Variants in ADCYAP1 observed in about 807,000 individuals in gnomAD.
ADCYAP1 encodes the protein adenylate cyclase activating polypeptide 1.
In ADCYAP1, 6 loss-of-function variants were observed where a neutral mutation model predicts 18.5. The observed-to-expected ratio is 0.32, with a 90% CI of 0.18 to 0.64. The LOEUF is 0.64. Ranked by LOEUF, ADCYAP1 falls within the 30% of genes least tolerant of loss-of-function variation. ADCYAP1 has a pLI of 0.77. For synonymous variants in ADCYAP1, 136 were observed against 113.9 expected, an observed-to-expected ratio of 1.19 and a Z score of -1.24; for missense variants, 314 against 253.6, an observed-to-expected ratio of 1.24 and a Z score of -1.62.
intron 2 of ADCYAP1, chr18:905,769 C>T (rs1337615607): frequency 2.0e-5 from 10 of 494,680 alleles, no homozygotes; most frequent in South Asian, 1.5e-4. Context: ...AGAACCCCCC[C>T]TCCCCCAACC....
At chr18:909,410 G>A (rs1393399728) in intron 4 of ADCYAP1, 36 bp from the exon 5 acceptor site, 10 of 1,586,552 alleles carry the variant, frequency 6.3e-6, no homozygotes, top group Non-Finnish European at 8.6e-6. Context: ...TGTGTCTCCC[G>A]CCCCGCCACC....
At chr18:908,744 C>A (rs138001675) in intron 4 of ADCYAP1, among the ~76,000 whole-genome samples, 11 of 152,162 alleles carry the variant, frequency 7.2e-5, no homozygotes, top group African/African-American at 2.7e-4. Context: ...AAATTCAAAT[C>A]GAAATAATAA....
rs377558347 is a variant in ADCYAP1 at position 905,427 on chromosome 18, A to G, written c.41A>G (p.Tyr14Cys). 6.2e-7 allele frequency: 1 copy of G among 1,612,722 alleles called. No individual in the cohort carries two copies. The highest frequency in any genetic ancestry group is 8.5e-7 in the Non-Finnish European group (1 of 1,180,004). Residue 14 changes from tyrosine (Y) to cysteine (C), a missense_variant, in exon 2 of 5, where the codon TAT becomes TGT. By Grantham distance (194) the Tyr-to-Cys change is radical. Transcript: ENST00000450565. ...CSGARLALLV[Y>C]GIIMHSSVYS... ...GGAGCGAGGCTGGCCCTGCTGGTCT[A>G]TGGGATAATCATGCACAGCAGCGTC... is the stretch of plus-strand genomic sequence containing the variant.
rs8192594 is a variant in ADCYAP1 at position 905,468 on chromosome 18, G to A, written c.82G>A (p.Ala28Thr). 6 of 1,609,882 alleles carry A rather than the reference G, an allele frequency of 3.7e-6. No individual in the cohort carries two copies. The highest frequency in any genetic ancestry group is 2.2e-5 in the East Asian group (1 of 44,870). ...CAGCAGCGTCTACAGCTCACCTGCC[G>A]CCGCCGGACTCCGGTTCCCCGGGAT... is the stretch of plus-strand genomic sequence containing the variant. ...MHSSVYSSPAAAGLRFPGIRP... is the reference protein window; with the variant it reads ...MHSSVYSSPATAGLRFPGIRP... Residue 28 changes from alanine (A) to threonine (T), a missense_variant, in exon 2 of 5, where the codon GCC (alanine) becomes ACC (threonine). Coordinates refer to ENST00000450565, the MANE Select transcript of ADCYAP1 (RefSeq NM_001099733.2).
upstream of ADCYAP1, chr18:904,635 G>A: frequency 4.0e-6 from 5 of 1,242,728 alleles, no homozygotes; most frequent in Non-Finnish European, 5.2e-6. Flanking sequence ...CTGGCCCGCG[G>A]CTCCTACAAA....
In ADCYAP1 at chr18:904,911, G is replaced by A; in HGVS notation, c.-151G>A. On this transcript the variant is annotated 5_prime_UTR_variant, in exon 1 of 5. Transcript: ENST00000450565. ...GCAAACGAGTCCCGCAGCTCCTCCT[G>A]CTGCTCCCGCTGGTTCCTGCGGCTT... The A allele has an allele frequency of 1.6e-6, 2 of 1,289,714 alleles. No individual in the cohort carries two copies. The highest frequency in any genetic ancestry group is 2.0e-6 in the Non-Finnish European group (2 of 989,072). 79.9% of individuals were successfully genotyped at this position (1,289,714 alleles called of 1,614,324 possible).
intron 1 of ADCYAP1, 76 bp downstream of exon 1, chr18:905,136 G>T (rs1202679245): frequency 5.1e-6 from 7 of 1,383,066 alleles, no homozygotes; most frequent in Non-Finnish European, 6.6e-6. Context: ...CGCGTCAGGG[G>T]AGTTAGCTTT....
At chr18:909,069 T>A (rs1451401100) in intron 4 of ADCYAP1, among the ~76,000 whole-genome samples, 1 of 152,224 alleles carries the variant, frequency 6.6e-6, no homozygotes, top group Non-Finnish European at 1.5e-5. Context: ...GCTCTCCGGT[T>A]ACTTTCTCTG....
In ADCYAP1 at chr18:909,525, T is replaced by C; in HGVS notation, c.421T>C (p.Tyr141His). The change falls in exon 5 of 5, where the codon TAC becomes CAC. Residue 141 changes from tyrosine (Y) to histidine (H), a missense_variant. Transcript: ENST00000450565. Reference sequence around the variant, plus strand: ...CTCGGACGGGATCTTCACGGACAGCTACAGCCGCTACCGGAAACAAATGGC... The same window carrying C: ...CTCGGACGGGATCTTCACGGACAGCCACAGCCGCTACCGGAAACAAATGGC... The part of the protein sequence containing the change: ...RHSDGIFTDS[Y>H]SRYRKQMAVK... The C allele has an allele frequency of 6.2e-7, 1 of 1,614,102 alleles. No individual in the cohort carries two copies. Among genetic ancestry groups the C allele is most frequent in the Non-Finnish European group, 8.5e-7 (1 of 1,180,012 alleles).
chr18:904,892 G>T lies in ADCYAP1; in HGVS notation c.-170G>T. Reference sequence around the variant, plus strand: ...GAGCAGAACACGAGCCTCGGCAAACGAGTCCCGCAGCTCCTCCTGCTGCTC... The same window carrying T: ...GAGCAGAACACGAGCCTCGGCAAACTAGTCCCGCAGCTCCTCCTGCTGCTC... On this transcript the variant is annotated 5_prime_UTR_variant, in exon 1 of 5. Transcript: ENST00000450565. 7.8e-7 allele frequency: 1 copy of T among 1,288,624 alleles called. No homozygotes were observed. The highest frequency in any genetic ancestry group is 1.0e-6 in the Non-Finnish European group (1 of 988,210). 79.8% of individuals were successfully genotyped at this position (1,288,624 alleles called of 1,614,324 possible).
rs9959930 is a variant in ADCYAP1, at chr18:910,117, T to C, written c.*482T>C. On this transcript the variant is annotated 3_prime_UTR_variant, in exon 5 of 5. Coordinates refer to ENST00000450565, the MANE Select transcript of ADCYAP1 (RefSeq NM_001099733.2). ...ACCATTTGCTACTGTACATAAACAA[T>C]GATGCCCTGCTCCAGGGAGATTTTG... is the stretch of plus-strand genomic sequence containing the variant. 0.045 allele frequency: 6,879 copies of C among 152,634 alleles called. 356 individuals are homozygous for C. The highest frequency in any genetic ancestry group is 0.13 in the African/African-American group (5,281 of 41,514). The allele number at this position is 152,634 out of a possible 1,614,324, so 9.5% of individuals were successfully genotyped here.
Position 909,507 on chromosome 18 carries a change from G to A in ADCYAP1, c.403G>A (p.Gly135Arg). Residue 135 changes from glycine (G) to arginine (R), a missense_variant, in exon 5 of 5, where the codon GGG becomes AGG. Gly to Arg is a moderately radical substitution (Grantham distance 125, BLOSUM62 -2). Transcript: ENST00000450565. ...GCCGCTCTCCAAGCGCCACTCGGAC[G>A]GGATCTTCACGGACAGCTACAGCCG... Reference protein sequence around the residue: ...AEPLSKRHSDGIFTDSYSRYR... With the variant: ...AEPLSKRHSDRIFTDSYSRYR... 6.2e-7 allele frequency: 1 copy of A among 1,613,908 alleles called. No homozygotes were observed. The highest frequency in any genetic ancestry group is 8.5e-7 in the Non-Finnish European group (1 of 1,179,994).
chr18:908,547 A>G (rs1012532896), intron 4 of ADCYAP1, among the ~76,000 whole-genome samples, 184 bp downstream of exon 4: 3 of 152,078 alleles, frequency 2.0e-5, no homozygotes, highest in Non-Finnish European at 4.4e-5. Context: ...TTGCCCAGAG[A>G]GCTCTGGAAG....
Position 908,248 on chromosome 18 carries a change from C to T in ADCYAP1, c.243-17C>T, listed in dbSNP as rs1909253200. The T allele has an allele frequency of 4.4e-6, 7 of 1,605,476 alleles. No homozygotes were observed. The highest frequency in any genetic ancestry group is 1.3e-5 in the African/African-American group (1 of 74,868). ...CAGAAACAGTGACCCTGGGCGCGCA[C>T]TTTGCCTCCCCGTTAGAGATGTCGC... On this transcript the variant is annotated splice_polypyrimidine_tract_variant and intron_variant, in intron 3 of 4. Transcript: ENST00000450565.
In ADCYAP1 at chr18:911,373, TTTA is replaced by T. The variant is rs1299637360; in HGVS notation, c.*1741_*1743del. 3.7e-5 allele frequency: 1 copy of T among 26,820 alleles called. No individual in the cohort carries two copies. Among genetic ancestry groups the T allele is most frequent in the Non-Finnish European group, 1.3e-4 (1 of 7,828 alleles). The allele number at this position is 26,820 out of a possible 1,614,324, so 1.7% of individuals were successfully genotyped here. ...CTCCCAAATTTCAGGCACAAGTTTA[TTTA>T]TTTATTTTTTTATGTTTTGAAAAAA... On this transcript the variant is annotated 3_prime_UTR_variant, in exon 5 of 5. Transcript: ENST00000450565.
chr18:907,445 G>A (rs1401523194), intron 2 of ADCYAP1: 1 of 485,554 alleles, frequency 2.1e-6, no homozygotes, highest in Admixed American at 4.4e-5. Context: ...CCGCGAAGGG[G>A]GGGTGGGCGG....
rs187136788 is a variant in ADCYAP1, at chr18:907,061, C to T, written c.111-598C>T. 4.8e-3 allele frequency among the ~76,000 whole-genome samples: 730 copies of T among 152,310 alleles called. 4 individuals are homozygous for T. Among genetic ancestry groups the T allele is most frequent in the African/African-American group, 0.014 (585 of 41,590 alleles). ...CCGCCGAACTGGCTAAGTTTAGGGG[C>T]ATTTATTATTCATGTTCCTGCCAGA... On this transcript the variant is annotated intron_variant, in intron 2 of 4. Transcript: ENST00000450565.
At chr18:907,411 G>T in intron 2 of ADCYAP1, 1 of 429,692 alleles carries the variant, frequency 2.3e-6, no homozygotes, top group Non-Finnish European at 4.1e-6. Context: ...TGTTGAGGCC[G>T]TGGCCCGCAG....
rs2143119897 is a variant in ADCYAP1 at position 908,290 on chromosome 18, G to A, written c.268G>A (p.Glu90Lys). Residue 90 changes from glutamate to lysine, a missense_variant, in exon 4 of 5, where the codon GAG (glutamate) becomes AAG (lysine). Physicochemically the swap from Glu to Lys is moderately conservative, Grantham distance 56. Coordinates refer to ENST00000450565, the MANE Select transcript of ADCYAP1 (RefSeq NM_001099733.2). The stretch of plus-strand genomic sequence containing the variant: ...AGATGTCGCCCACGGGATCCTTAAC[G>A]AGGCCTACCGCAAAGTGCTGGACCA... Reference protein sequence around the residue: ...RRDVAHGILNEAYRKVLDQLS... With the variant: ...RRDVAHGILNKAYRKVLDQLS... 7 of 1,612,862 alleles carry A rather than the reference G, an allele frequency of 4.3e-6. No individual in the cohort carries two copies. The highest frequency in any genetic ancestry group is 5.9e-6 in the Non-Finnish European group (7 of 1,179,572).
Sources: allele counts gnomAD v4.1 joint callset (sites outside exome capture counted in the v4.1 genomes callset), GRCh38; gene constraint gnomAD v4.1.1; transcripts MANE v1.5; gene names NCBI Gene and HGNC (gene_info 2026-07-23, HGNC 2026-07-21).